The following HECTD3 variants were observed in gnomAD, a reference collection of about 807,000 sequenced individuals.
HECTD3 encodes the protein E3 ubiquitin-protein ligase HECTD3.
A neutral mutation model predicts 109.3 loss-of-function variants in HECTD3; 72 were observed. The observed-to-expected ratio is 0.66, with a 90% CI of 0.54 to 0.80. The LOEUF (loss-of-function observed/expected upper bound fraction) is 0.80, where lower values mean the gene tolerates loss of function less well. Among genes scored for constraint, HECTD3 ranks in the 30% least tolerant of loss-of-function variants. HECTD3 has a pLI of 0.00. For missense variants in HECTD3, 1,041 were observed against 1,165.2 expected, an observed-to-expected ratio of 0.89 and a Z score of 1.55; for synonymous variants, 481 against 471.8, an observed-to-expected ratio of 1.02 and a Z score of -0.25.
At position 45,006,014 on chromosome 1, in the gene HECTD3, G is replaced by T. The variant is rs775383501; in HGVS notation, c.1828C>A (p.Arg610=). 1 of 1,614,058 alleles carries T rather than the reference G, an allele frequency of 6.2e-7. No homozygotes were observed. Among genetic ancestry groups the T allele is most frequent in the Non-Finnish European group, 8.5e-7 (1 of 1,179,986 alleles). The change falls in exon 14 of 21, where the codon CGG becomes AGG. Residue 610 remains arginine, a synonymous_variant. Coordinates refer to ENST00000372172, the MANE Select transcript of HECTD3 (RefSeq NM_024602.6). The surrounding 1 kb of genome is among the most constrained non-coding windows in gnomAD (Gnocchi z 4.7). ...CTACTCACCAGGAACTCCTTACCCC[G>T]AAGGGCAGCCCCCATCAGCTGTCCG... ...WIGQLMGAAL[R]GKEFLVLALP...
At chr1:45,010,489 C>G in intron 2 of HECTD3, 57 bp downstream of exon 2, 1 of 1,604,558 alleles carries the variant, frequency 6.2e-7, no homozygotes, top group South Asian at 1.1e-5. Context: ...TGAAGTGTTC[C>G]CAAGCCCTCC....
intron 15 of HECTD3, 63 bp downstream of exon 15, chr1:45,005,731 C>G: frequency 7.4e-7 from 1 of 1,353,772 alleles, no homozygotes; most frequent in South Asian, 1.4e-5. Context: ...TACAGAACAG[C>G]CTTAGGGAGG....
chr1:45,007,690 G>C (rs552357342), intron 9 of HECTD3, 95 bp from the exon 10 acceptor site: 42 of 1,048,572 alleles, frequency 4.0e-5, no homozygotes, highest in Non-Finnish European at 5.8e-5. Context: ...CAATTCCACC[G>C]TTTCAGTTCA....
chr1:45,005,577 G>A (rs1644728425), intron 15 of HECTD3: 1 of 458,062 alleles, frequency 2.2e-6, no homozygotes, highest in Non-Finnish European at 3.9e-6. Context: ...AACGTCGAGG[G>A]TACAGATACA....
rs763131275 is a variant in HECTD3 at position 45,007,041 on chromosome 1, C to T, written c.1557-26G>A. The T allele has an allele frequency of 4.3e-6, 7 of 1,613,598 alleles. No homozygotes were observed. The East Asian group carries it at 6.7e-5, about 15-fold the overall frequency. On this transcript the variant is annotated intron_variant, in intron 11 of 20. Transcript: ENST00000372172. ...CTGCAAAAAACGTGGGCAGATTTGT[C>T]ATTATGTGGGGCCAGGTGCAGCACA...
rs1329973987 is a variant in HECTD3 at position 45,003,408 on chromosome 1, C to G, written c.*84G>C. 1 of 1,268,902 alleles carries G rather than the reference C, an allele frequency of 7.9e-7. No homozygotes were observed. Among genetic ancestry groups the G allele is most frequent in the Non-Finnish European group, 1.1e-6 (1 of 874,354 alleles). 78.6% of individuals were successfully genotyped at this position (1,268,902 alleles called of 1,614,324 possible). On this transcript the variant is annotated 3_prime_UTR_variant, in exon 21 of 21. Transcript: ENST00000372172. The surrounding 1 kb of genome is among the most constrained non-coding windows in gnomAD (Gnocchi z 4.7). ...GGTTTTGCTGAGCACGTCAGCCAAACCAGGGCAGGGAAGGTGTCTTCGCCC... is the reference window on the plus strand; with the variant it reads ...GGTTTTGCTGAGCACGTCAGCCAAAGCAGGGCAGGGAAGGTGTCTTCGCCC...
intron 4 of HECTD3, 42 bp from the exon 5 acceptor site, chr1:45,009,725 T>C (rs745457914): frequency 2.7e-6 from 4 of 1,455,472 alleles, no homozygotes; most frequent in Non-Finnish European, 3.8e-6. Context: ...TTACCCTCCC[T>C]CCCTGCACTG....
Position 45,006,812 on chromosome 1 carries a change from C to T in HECTD3, c.1622-17G>A. The T allele has an allele frequency of 6.2e-7, 1 of 1,609,290 alleles. No homozygotes were observed. Among genetic ancestry groups the T allele is most frequent in the Non-Finnish European group, 8.5e-7 (1 of 1,176,870 alleles). ...AACCACCCCCTGAAATGACAGATGC[C>T]CTCAGCTGGGCACTCAAGAGCCCAG... On this transcript the variant is annotated splice_polypyrimidine_tract_variant and intron_variant, in intron 12 of 20. Coordinates refer to ENST00000372172, the MANE Select transcript of HECTD3 (RefSeq NM_024602.6). This position sits in a 1 kb window ranked among gnomAD's most constrained non-coding sequence, Gnocchi z 4.7.
Position 45,010,922 on chromosome 1 carries a change from G to A in HECTD3, c.336C>T (p.Cys112=). 1 of 1,548,476 alleles carries A rather than the reference G, an allele frequency of 6.5e-7. No individual in the cohort carries two copies. Among genetic ancestry groups the A allele is most frequent in the South Asian group, 1.2e-5 (1 of 84,108 alleles). ...GCTTCACCCAGAGCCCGTGGCCATT[G>A]CACAGCTCCTCGCCCGTGGTGCGCA... ...ACVRTTGEEL[C]NGHGLWVKLT... Residue 112 remains cysteine (C), a synonymous_variant, in exon 1 of 21, where the codon TGC becomes TGT. Coordinates refer to ENST00000372172, the MANE Select transcript of HECTD3 (RefSeq NM_024602.6).
At position 45,008,129 on chromosome 1, in the gene HECTD3, C is replaced by T; in HGVS notation, c.1320+111G>A. On this transcript the variant is annotated intron_variant, in intron 9 of 20. Coordinates refer to ENST00000372172, the MANE Select transcript of HECTD3 (RefSeq NM_024602.6). ...CTGGCTTTCTTCCTATGTTCCCAGA[C>T]CCAGCAAAGGTCTTGCCCTAGAGTA... 3.8e-6 allele frequency: 3 copies of T among 799,936 alleles called. No homozygotes were observed. The Admixed American group carries it at 7.8e-5, about 21-fold the overall frequency. The allele number at this position is 799,936 out of a possible 1,614,324, so 49.6% of individuals were successfully genotyped here. A position where few individuals can be genotyped will look rare whatever the true frequency, so the allele number is the denominator to read the frequency against.
rs1644740913 is a variant in HECTD3, at chr1:45,006,937, C to T, written c.1621+14G>A. On this transcript the variant is annotated intron_variant, in intron 12 of 20. Coordinates refer to ENST00000372172, the MANE Select transcript of HECTD3 (RefSeq NM_024602.6). This position sits in a 1 kb window ranked among gnomAD's most constrained non-coding sequence, Gnocchi z 4.7. Reference sequence around the variant, plus strand: ...AGCAAGCAGGACCCTTGAGATCCTCCCTCAGGGCCTCACCTTGGTCAATGA... The same window carrying T: ...AGCAAGCAGGACCCTTGAGATCCTCTCTCAGGGCCTCACCTTGGTCAATGA... The T allele has an allele frequency of 5.6e-6, 9 of 1,613,454 alleles. No homozygotes were observed. The South Asian group carries it at 7.7e-5, about 14-fold the overall frequency.
At position 45,006,895 on chromosome 1, in the gene HECTD3, T is replaced by C; in HGVS notation, c.1621+56A>G. The stretch of plus-strand genomic sequence containing the variant: ...TCATCATTAGCTGGTGAAAAGCCTC[T>C]ACCACTTTGATAGGGCAGCAAGCAG... On this transcript the variant is annotated intron_variant, in intron 12 of 20. Coordinates refer to ENST00000372172, the MANE Select transcript of HECTD3 (RefSeq NM_024602.6). This position sits in a 1 kb window ranked among gnomAD's most constrained non-coding sequence, Gnocchi z 4.7. The C allele has an allele frequency of 6.2e-7, 1 of 1,600,856 alleles. No individual in the cohort carries two copies. The highest frequency in any genetic ancestry group is 8.6e-7 in the Non-Finnish European group (1 of 1,167,986).
Position 45,006,224 on chromosome 1 carries a change from C to T in HECTD3, c.1726-108G>A, listed in dbSNP as rs76297558. The T allele has an allele frequency of 3.8e-4, 537 of 1,426,156 alleles. 5 individuals carry two copies. The African/African-American group carries it at 6.6e-3, about 18-fold the overall frequency. 88.3% of individuals were successfully genotyped at this position (1,426,156 alleles called of 1,614,324 possible). A position where few individuals can be genotyped will look rare whatever the true frequency, so the allele number is the denominator to read the frequency against. ...TGGGAACATTTTCCACTAAATGATC[C>T]CTTCAAATGCACAGTGGCTCCTCCT... On this transcript the variant is annotated intron_variant, in intron 13 of 20. Transcript: ENST00000372172. This position sits in a 1 kb window ranked among gnomAD's most constrained non-coding sequence, Gnocchi z 4.7.
intron 4 of HECTD3, 120 bp from the exon 5 acceptor site, chr1:45,009,803 A>G (rs1644768424): frequency 9.4e-7 from 1 of 1,058,904 alleles, no homozygotes; most frequent in Admixed American, 2.1e-5. Context: ...GGCAACTGGT[A>G]TGGGATAGGG....
intron 2 of HECTD3, 48 bp downstream of exon 2, chr1:45,010,498 C>T (rs1379981178): frequency 8.1e-6 from 13 of 1,609,292 alleles, no homozygotes; most frequent in Admixed American, 1.7e-5. Flanking sequence ...CCCAAGCCCT[C>T]CTGGCCCGGC....
At chr1:45,005,078 T>C (rs574530197) in intron 15 of HECTD3, 3 of 536,530 alleles carry the variant, frequency 5.6e-6, no homozygotes, top group Non-Finnish European at 1.0e-5. Context: ...AGAGAGAACA[T>C]CTTGGAGAAA....
At position 45,008,640 on chromosome 1, in the gene HECTD3, T is replaced by C; in HGVS notation, c.1134A>G (p.Leu378=). The change falls in exon 8 of 21, where the codon CTA becomes CTG. Residue 378 remains leucine (L), a synonymous_variant. Coordinates refer to ENST00000372172, the MANE Select transcript of HECTD3 (RefSeq NM_024602.6). ...GCTGGAACAGGTCTGCATTCAACCC[T>C]AGTTCCCGCTGTCTAGATGACTTGA... The part of the protein sequence containing the change: ...VKIKSSRQRE[L]GLNADLFQPT... The C allele has an allele frequency of 6.2e-7, 1 of 1,613,928 alleles. No individual in the cohort carries two copies. Among genetic ancestry groups the C allele is most frequent in the Non-Finnish European group, 8.5e-7 (1 of 1,179,940 alleles).
At chr1:45,005,402 T>G (rs1644726879) in intron 15 of HECTD3, 3 of 202,992 alleles carry the variant, frequency 1.5e-5, no homozygotes, top group African/African-American at 2.3e-5. Context: ...AGAGGAAGAC[T>G]TAAGAATATG....
chr1:45,010,636 T>A lies in HECTD3; in HGVS notation c.440A>T (p.Glu147Val). The A allele has an allele frequency of 6.2e-7, 1 of 1,607,082 alleles. No homozygotes were observed. Residue 147 changes from glutamate to valine, a missense_variant, in exon 2 of 21, where the codon GAG (glutamate) becomes GTG (valine). Glu to Val is a moderately radical substitution (Grantham distance 121). Coordinates refer to ENST00000372172, the MANE Select transcript of HECTD3 (RefSeq NM_024602.6). Reference protein sequence around the residue: ...EGWLLVCRPAEGGARLVPIDT... With the variant: ...EGWLLVCRPAVGGARLVPIDT... Reference sequence around the variant, plus strand: ...GATGGGTACCAGGCGGGCTCCGCCCTCCGCCGGGCGGCACACCAGCAGCCA... The same window carrying A: ...GATGGGTACCAGGCGGGCTCCGCCCACCGCCGGGCGGCACACCAGCAGCCA...
Sources: allele counts gnomAD v4.1 joint callset, GRCh38; gene constraint gnomAD v4.1.1; non-coding constraint Gnocchi (gnomAD v3.1); transcripts MANE v1.5; gene names NCBI Gene and HGNC (gene_info 2026-07-23, HGNC 2026-07-21).